Variants in RNF44 observed in about 807,000 individuals in gnomAD.
The protein encoded by RNF44 is ring finger protein 44.
RNF44 carries 25 observed loss-of-function variants against 53.6 expected under a neutral mutation model. That is an observed-to-expected ratio of 0.47 (90% CI 0.34 to 0.65). The LOEUF (loss-of-function observed/expected upper bound fraction) is 0.65, where lower values mean the gene tolerates loss of function less well. RNF44 is among the 30% of genes least tolerant of loss of function. RNF44 has a pLI of 0.01. For synonymous variants in RNF44, 282 were observed against 252.2 expected (o/e 1.12, Z -1.12); for missense variants, 581 against 595.5 (o/e 0.98, Z 0.25).
intron 1 of RNF44, 21 bp from the exon 2 acceptor site, chr5:176,532,537 A>G: frequency 6.8e-7 from 1 of 1,467,130 alleles, no homozygotes; most frequent in Non-Finnish European, 9.0e-7. Flanking sequence ...AGGAGACAAG[A>G]AGACTGAGGC....
chr5:176,535,740 A>C (rs1757093062), intron 1 of RNF44, among the ~76,000 whole-genome samples: 1 of 152,132 alleles, frequency 6.6e-6, no homozygotes, highest in African/African-American at 2.4e-5. Context: ...GAAGCAAGCA[A>C]GGCCCAGAGT....
rs1312809127 is a variant in RNF44, at chr5:176,531,628, C to T, written c.300G>A (p.Val100=). ...AGGACAGAGGGACAGGTCCCTGGTG[C>T]ACCTGTGGGTGGAGAGAACGCCGGG... is the stretch of plus-strand genomic sequence containing the variant. ...SPFMVDLHEQ[V]HQGPVPLSYT... Residue 100 remains valine (V), a splice_region_variant and synonymous_variant, in exon 4 of 11, where the codon GTG becomes GTA. Coordinates refer to ENST00000274811, the MANE Select transcript of RNF44 (RefSeq NM_014901.5). The surrounding 1 kb of genome is among the most constrained non-coding windows in gnomAD (Gnocchi z 4.2). 2 of 1,607,872 alleles carry T rather than the reference C, an allele frequency of 1.2e-6. No individual in the cohort carries two copies. Among genetic ancestry groups the T allele is most frequent in the East Asian group, 2.2e-5 (1 of 44,760 alleles).
In RNF44 at chr5:176,530,064, G is replaced by A. The variant is rs1015497075; in HGVS notation, c.926+18C>T. 2.8e-5 allele frequency: 37 copies of A among 1,319,152 alleles called. No individual in the cohort carries two copies. Among genetic ancestry groups the A allele is most frequent in the Non-Finnish European group, 3.4e-5 (35 of 1,024,650 alleles). 81.7% of individuals were successfully genotyped at this position (1,319,152 alleles called of 1,614,324 possible). A position where few individuals can be genotyped will look rare whatever the true frequency, so the allele number is the denominator to read the frequency against. ...GAACAGGGCATCAGGGACCTGGGGCGGATGTGCGGATACTTACAGGAAGTA... is the reference window on the plus strand; with the variant it reads ...GAACAGGGCATCAGGGACCTGGGGCAGATGTGCGGATACTTACAGGAAGTA... On this transcript the variant is annotated intron_variant, in intron 7 of 10. Transcript: ENST00000274811.
chr5:176,530,632 G>A lies in RNF44; in HGVS notation c.751C>T (p.Leu251=), dbSNP rs781460937. The A allele has an allele frequency of 5.3e-6, 8 of 1,517,004 alleles. No homozygotes were observed. In the South Asian group the frequency reaches 6.2e-5, roughly 12 times the overall value. The allele number at this position is 1,517,004 out of a possible 1,614,324, so 94.0% of individuals were successfully genotyped here. A position where few individuals can be genotyped will look rare whatever the true frequency, so the allele number is the denominator to read the frequency against. ...PGPALSPSVP[L]HYLPHDPLHQ... ...AGCGGATCGTGGGGCAGGTAGTGCAGGGGCACCGACGGGGAAAGGGCTGGG... is the reference window on the plus strand; with the variant it reads ...AGCGGATCGTGGGGCAGGTAGTGCAAGGGCACCGACGGGGAAAGGGCTGGG... Residue 251 remains leucine, a synonymous_variant, in exon 6 of 11, where the codon CTG becomes TTG. Coordinates refer to ENST00000274811, the MANE Select transcript of RNF44 (RefSeq NM_014901.5).
rs1269356325 is a variant in RNF44, at chr5:176,526,857, T to G, written c.*2171A>C. 1 of 152,480 alleles carries G rather than the reference T, an allele frequency of 6.6e-6. No homozygotes were observed. The highest frequency in any genetic ancestry group is 1.5e-5 in the Non-Finnish European group (1 of 68,036). The allele number at this position is 152,480 out of a possible 1,614,324, so 9.4% of individuals were successfully genotyped here. Reference sequence around the variant, plus strand: ...CAAATCTGTTAAAAATTTCAATCAGTATACACATATATATAATACAACATA... The same window carrying G: ...CAAATCTGTTAAAAATTTCAATCAGGATACACATATATATAATACAACATA... On this transcript the variant is annotated 3_prime_UTR_variant, in exon 11 of 11. Transcript: ENST00000274811.
Position 176,530,829 on chromosome 5 carries a change from C to G in RNF44, c.639+19G>C. The G allele has an allele frequency of 7.0e-7, 1 of 1,436,760 alleles. No individual in the cohort carries two copies. Among genetic ancestry groups the G allele is most frequent in the Non-Finnish European group, 9.1e-7 (1 of 1,098,196 alleles). The allele number at this position is 1,436,760 out of a possible 1,614,324, so 89.0% of individuals were successfully genotyped here. ...CCCCCACGCCATCTCCCTCCAGCAT[C>G]GGACCCATGCCGACTCACCATCCGA... is the stretch of plus-strand genomic sequence containing the variant. On this transcript the variant is annotated intron_variant, in intron 5 of 10. Transcript: ENST00000274811.
chr5:176,535,528 A>G (rs931026301), intron 1 of RNF44, among the ~76,000 whole-genome samples: 1 of 152,180 alleles, frequency 6.6e-6, no homozygotes, highest in Admixed American at 6.5e-5. Flanking sequence ...AGCCGAGAGA[A>G]AGGAAGTAAG....
At chr5:176,541,608 G>A (rs1757448884), upstream of RNF44, among the ~76,000 whole-genome samples, 1 of 152,110 alleles carries the variant, frequency 6.6e-6, no homozygotes, top group Non-Finnish European at 1.5e-5. Flanking sequence ...CCTCTGCAGT[G>A]GGGAAGGGCT....
At chr5:176,540,264 G>T (rs956181447), upstream of RNF44, among the ~76,000 whole-genome samples, 52 of 152,118 alleles carry the variant, frequency 3.4e-4, 2 homozygotes, top group Admixed American at 3.3e-3. Context: ...TCATTTTACA[G>T]ATGAGGACCT....
chr5:176,538,656 C>CA (rs1445767485), upstream of RNF44, among the ~76,000 whole-genome samples: 11 of 152,038 alleles, frequency 7.2e-5, no homozygotes, highest in South Asian at 1.9e-3. Flanking sequence ...GGCGCCAATG[C>CA]AAAATGTTAA....
upstream of RNF44, among the ~76,000 whole-genome samples, chr5:176,540,723 C>T (rs1757427582): frequency 6.6e-6 from 1 of 152,192 alleles, no homozygotes; most frequent in South Asian, 2.1e-4. Context: ...GAAACCGCTG[C>T]CCTGTCCCTG....
At position 176,531,119 on chromosome 5, in the gene RNF44, C is replaced by T. The variant is rs1256648959; in HGVS notation, c.466-98G>A. On this transcript the variant is annotated intron_variant, in intron 4 of 10. Coordinates refer to ENST00000274811, the MANE Select transcript of RNF44 (RefSeq NM_014901.5). This position sits in a 1 kb window ranked among gnomAD's most constrained non-coding sequence, Gnocchi z 4.2. ...GCAAAAGGCCCCCACCGGGCACACA[C>T]CCAGCAGCTCCAGGGTCTGTATAAG... 5 of 850,734 alleles carry T rather than the reference C, an allele frequency of 5.9e-6. No homozygotes were observed. In the East Asian group the frequency reaches 9.1e-5, roughly 15 times the overall value. The allele number at this position is 850,734 out of a possible 1,614,324, so 52.7% of individuals were successfully genotyped here.
chr5:176,532,148 C>T lies in RNF44; in HGVS notation c.153G>A (p.Glu51=). 3 of 1,568,864 alleles carry T rather than the reference C, an allele frequency of 1.9e-6. No homozygotes were observed. Among genetic ancestry groups the T allele is most frequent in the Non-Finnish European group, 1.7e-6 (2 of 1,159,914 alleles). The change falls in exon 3 of 11, where the codon GAG becomes GAA. Residue 51 remains glutamate (E), a synonymous_variant. Coordinates refer to ENST00000274811, the MANE Select transcript of RNF44 (RefSeq NM_014901.5). ...ACGGCGGCTGCTGGGAGGGTAAGCGCTCATCCCGGGCAGGCGGGCTGGCCA... is the reference window on the plus strand; with the variant it reads ...ACGGCGGCTGCTGGGAGGGTAAGCGTTCATCCCGGGCAGGCGGGCTGGCCA... ...GPLASPPARD[E]RLPSQQPPSR...
At chr5:176,529,161 G>T (rs746789230) in intron 10 of RNF44, 71 bp from the exon 11 acceptor site, 52 of 1,589,906 alleles carry the variant, frequency 3.3e-5, no homozygotes, top group Non-Finnish European at 4.1e-5. Flanking sequence ...GCCACCTGGG[G>T]GGACTTGGTC....
At chr5:176,541,819 A>G (rs750329140), upstream of RNF44, among the ~76,000 whole-genome samples, 4 of 152,146 alleles carry the variant, frequency 2.6e-5, no homozygotes, top group Non-Finnish European at 5.9e-5. Context: ...CCCAGGATGG[A>G]GCTGGCGGGA....
upstream of RNF44, chr5:176,537,750 C>T (rs528751492): frequency 3.9e-5 from 6 of 152,380 alleles, no homozygotes; most frequent in Non-Finnish European, 8.8e-5. Context: ...GTCCCCTCCT[C>T]GGGGACAGGG....
In RNF44 at chr5:176,532,407, G is replaced by T; in HGVS notation, c.66C>A (p.Phe22Leu). 6.2e-7 allele frequency: 1 copy of T among 1,608,762 alleles called. No homozygotes were observed. Among genetic ancestry groups the T allele is most frequent in the Non-Finnish European group, 8.5e-7 (1 of 1,178,636 alleles). Residue 22 changes from phenylalanine (F) to leucine (L), a missense_variant, in exon 2 of 11, where the codon TTC (phenylalanine) becomes TTA (leucine). Around this residue, in one of 3 missense-constraint regions of RNF44, gnomAD observed 387 missense variants for 366.0 expected, o/e 1.06. Transcript: ENST00000274811. Reference sequence around the variant, plus strand: ...CCGGGGTGCTGCCAGGTCCCGCAGAGAATCGCCGCTGGCCCACGGGGGCGG... The same window carrying T: ...CCGGGGTGCTGCCAGGTCCCGCAGATAATCGCCGCTGGCCCACGGGGGCGG... ...PPSAPVGQRR[F>L]SAGPGSTPGQ...
chr5:176,530,827 A>G, intron 5 of RNF44, 21 bp downstream of exon 5: 1 of 1,370,460 alleles, frequency 7.3e-7, no homozygotes, highest in South Asian at 1.5e-5. Context: ...TCCCTCCAGC[A>G]TCGGACCCAT....
At chr5:176,529,468 G>A (rs1203737218) in intron 9 of RNF44, 55 bp downstream of exon 9, 23 of 1,608,290 alleles carry the variant, frequency 1.4e-5, no homozygotes, top group Admixed American at 3.3e-5. Flanking sequence ...TGAGAGGGGC[G>A]TCCCACGGCA....
Sources: gnomAD v4.1 joint callset for allele counts (sites outside exome capture counted in the v4.1 genomes callset) on GRCh38, gnomAD v4.1.1 for gene constraint, gnomAD v4.1.1 regional missense constraint, Gnocchi (gnomAD v3.1) non-coding constraint, MANE v1.5 for transcripts, NCBI Gene and HGNC (gene_info 2026-07-23, HGNC 2026-07-21) for gene names.